Variants in MICU1 observed in about 807,000 individuals in gnomAD.
The protein encoded by MICU1 is mitochondrial calcium uptake 1, also known as calcium uptake protein 1, mitochondrial.
MICU1 carries 45 observed loss-of-function variants against 56.8 expected under a neutral mutation model. The observed-to-expected ratio is 0.79, with a 90% CI of 0.62 to 1.02. MICU1 has a LOEUF of 1.02. MICU1 is among the 50% of genes least tolerant of loss of function. The pLI, the probability that MICU1 is intolerant of heterozygous loss-of-function variation, is 0.00. For missense variants in MICU1, 504 were observed against 587.1 expected (o/e 0.86, Z 1.46); for synonymous variants, 186 against 195.1 (o/e 0.95, Z 0.39).
intron 6 of MICU1, among the ~76,000 whole-genome samples, chr10:72,507,266 T>C (rs1021621101): frequency 9.2e-5 from 14 of 152,024 alleles, no homozygotes. Context: ...GCTATGAACA[T>C]AACATTTTGT....
intron 10 of MICU1, among the ~76,000 whole-genome samples, chr10:72,400,377 C>T (rs560176290): frequency 2.0e-5 from 3 of 152,112 alleles, no homozygotes; most frequent in East Asian, 1.9e-4. Context: ...AATGAACTTT[C>T]GTTGTCTTTA....
At chr10:72,435,350 T>C (rs185001940) in intron 8 of MICU1, among the ~76,000 whole-genome samples, 16 of 131,704 alleles carry the variant, frequency 1.2e-4, no homozygotes, top group Admixed American at 5.5e-4. Flanking sequence ...ATCATGCCAC[T>C]GCACTCCACC....
At chr10:72,466,942 C>G (rs1056364876) in intron 8 of MICU1, among the ~76,000 whole-genome samples, 1 of 151,934 alleles carries the variant, frequency 6.6e-6, no homozygotes, top group African/African-American at 2.4e-5. Flanking sequence ...TAGTTATAAT[C>G]TTTTTAAAAA....
At chr10:72,613,869 G>A (rs956045575) in intron 1 of MICU1, among the ~76,000 whole-genome samples, 4 of 152,072 alleles carry the variant, frequency 2.6e-5, no homozygotes, top group African/African-American at 9.7e-5. Context: ...AATAGGCTGG[G>A]TGCAGTGGCT....
chr10:72,495,294 C>CTA (rs2132313634), intron 6 of MICU1, among the ~76,000 whole-genome samples: 1 of 151,352 alleles, frequency 6.6e-6, no homozygotes, highest in Admixed American at 6.6e-5. Context: ...TATTCCATAC[C>CTA]ATGTGCTCAA....
intron 1 of MICU1, among the ~76,000 whole-genome samples, chr10:72,577,792 A>G (rs1840788252): frequency 1.3e-5 from 2 of 152,180 alleles, no homozygotes; most frequent in African/African-American, 4.8e-5. Flanking sequence ...ACTTGAATGG[A>G]TGAAGAGTTC....
At chr10:72,459,872 T>C (rs955371532) in intron 8 of MICU1, among the ~76,000 whole-genome samples, 4 of 152,310 alleles carry the variant, frequency 2.6e-5, no homozygotes, top group African/African-American at 9.6e-5. Context: ...TCTCCTCCTG[T>C]GTTCTCTATC....
At chr10:72,433,513 C>T (rs1282532108) in intron 8 of MICU1, among the ~76,000 whole-genome samples, 2 of 151,734 alleles carry the variant, frequency 1.3e-5, no homozygotes. Context: ...CTGCAAGCTC[C>T]GCCTCCCAGG....
At chr10:72,400,910 A>G (rs1478384822) in intron 10 of MICU1, among the ~76,000 whole-genome samples, 2 of 150,194 alleles carry the variant, frequency 1.3e-5, no homozygotes, top group Non-Finnish European at 3.0e-5. Context: ...CACACCCTAT[A>G]TGATATCATT....
At chr10:72,477,374 G>T in intron 6 of MICU1, 118 bp from the exon 7 acceptor site, 1 of 1,161,712 alleles carries the variant, frequency 8.6e-7, no homozygotes, top group South Asian at 1.5e-5. Flanking sequence ...AAAAGTGACT[G>T]AGTCAAAGTC....
intron 1 of MICU1, among the ~76,000 whole-genome samples, chr10:72,596,748 C>A (rs1841391291): frequency 6.6e-6 from 1 of 151,754 alleles, no homozygotes; most frequent in Non-Finnish European, 1.5e-5. Context: ...TGGTGGGCAC[C>A]TGTAATCCCA....
chr10:72,588,361 T>C (rs1841124694), intron 1 of MICU1, among the ~76,000 whole-genome samples: 1 of 151,768 alleles, frequency 6.6e-6, no homozygotes, highest in Admixed American at 6.6e-5. Flanking sequence ...AATGGACTAA[T>C]AGAGTGTCTC....
chr10:72,379,760 T>C (rs1402575387), intron 10 of MICU1, among the ~76,000 whole-genome samples: 1 of 152,174 alleles, frequency 6.6e-6, no homozygotes, highest in Non-Finnish European at 1.5e-5. Context: ...TTATAGATTA[T>C]GTTCCATCTC....
intron 1 of MICU1, among the ~76,000 whole-genome samples, chr10:72,614,212 T>TA (rs1554813011): frequency 5.1e-4 from 77 of 150,252 alleles, no homozygotes; most frequent in Middle Eastern, 3.4e-3. Flanking sequence ...TACTTAAATT[T>TA]TAAAAAAAAA....
intron 1 of MICU1, among the ~76,000 whole-genome samples, chr10:72,581,688 T>A (rs1430442447): frequency 6.6e-6 from 1 of 152,020 alleles, no homozygotes; most frequent in Non-Finnish European, 1.5e-5. Context: ...TAAACTAGAG[T>A]AAATACAAAA....
chr10:72,439,324 GA>G (rs1421369422), intron 8 of MICU1, among the ~76,000 whole-genome samples: 8 of 152,180 alleles, frequency 5.3e-5, no homozygotes, highest in African/African-American at 1.7e-4. Context: ...AATAGATGCA[GA>G]AAAGGCCTTT....
At chr10:72,484,072 T>C (rs1257656962) in intron 6 of MICU1, among the ~76,000 whole-genome samples, 1 of 152,236 alleles carries the variant, frequency 6.6e-6, no homozygotes, top group Non-Finnish European at 1.5e-5. Context: ...GACTACTTCC[T>C]AAATGTGTTT....
At chr10:72,552,716 G>A (rs767208438) in intron 3 of MICU1, among the ~76,000 whole-genome samples, 8 of 151,970 alleles carry the variant, frequency 5.3e-5, no homozygotes, top group Non-Finnish European at 1.2e-4. Flanking sequence ...CATCACGCCC[G>A]GCTAATGTTT....
At chr10:72,590,671 T>G in intron 1 of MICU1, among the ~76,000 whole-genome samples, 1 of 151,530 alleles carries the variant, frequency 6.6e-6, no homozygotes, top group Admixed American at 6.6e-5. Flanking sequence ...AAATTAGCCA[T>G]GCATGGTGGG....
Sources: gnomAD v4.1 joint callset for allele counts (sites outside exome capture counted in the v4.1 genomes callset) on GRCh38, gnomAD v4.1.1 for gene constraint, MANE v1.5 for transcripts, NCBI Gene and HGNC (gene_info 2026-07-23, HGNC 2026-07-21) for gene names.